TTLL11: variants seen among roughly 807,000 people sequenced by gnomAD.
The protein encoded by TTLL11 is tubulin polyglutamylase TTLL11.
TTLL11 carries 42 observed loss-of-function variants against 51.7 expected under a neutral mutation model. That is an observed-to-expected ratio of 0.81 (90% CI 0.64 to 1.05). The LOEUF (loss-of-function observed/expected upper bound fraction) is 1.05. Among genes scored for constraint, TTLL11 ranks in the 50% least tolerant of loss-of-function variants. The pLI, the probability that TTLL11 is intolerant of heterozygous loss-of-function variation, is 0.00. For missense variants in TTLL11, 799 were observed against 940.4 expected, an observed-to-expected ratio of 0.85 and a Z score of 1.97; for synonymous variants, 381 against 383.5, an observed-to-expected ratio of 0.99 and a Z score of 0.08.
At chr9:121,827,501 C>G (rs1376189213) in intron 8 of TTLL11, among the ~76,000 whole-genome samples, 2 of 152,166 alleles carry the variant, frequency 1.3e-5, no homozygotes, top group Admixed American at 1.3e-4. Context: ...CACATCTCCC[C>G]CTCCAAAAAG....
At chr9:121,887,041 C>G (rs1282829555) in intron 6 of TTLL11, among the ~76,000 whole-genome samples, 2 of 152,102 alleles carry the variant, frequency 1.3e-5, no homozygotes, top group Non-Finnish European at 2.9e-5. Flanking sequence ...CATCTCCAGA[C>G]CAGGATGATG....
At chr9:122,042,402 G>A (rs974239761) in intron 1 of TTLL11, among the ~76,000 whole-genome samples, 1 of 152,222 alleles carries the variant, frequency 6.6e-6, no homozygotes, top group Non-Finnish European at 1.5e-5. Context: ...AATGGCCAAA[G>A]TCCAAAACAC....
intron 6 of TTLL11, among the ~76,000 whole-genome samples, chr9:121,876,521 G>C (rs1173631414): frequency 6.6e-6 from 1 of 152,216 alleles, no homozygotes; most frequent in Non-Finnish European, 1.5e-5. Context: ...GTGATGATGA[G>C]TGAGCCAGCA....
At chr9:121,957,850 G>T (rs535413300) in intron 6 of TTLL11, among the ~76,000 whole-genome samples, 2 of 152,340 alleles carry the variant, frequency 1.3e-5, no homozygotes, top group South Asian at 4.1e-4. Flanking sequence ...TGTGTGAACT[G>T]TAGGGTCTAC....
Position 121,822,123 on chromosome 9 carries a change from C to T in TTLL11, c.*464G>A, listed in dbSNP as rs1836595023. The stretch of plus-strand genomic sequence containing the variant: ...GATGCCTACTTGATATTTCCACTTC[C>T]TTCTCTCGGAACGGGCGGCAGGAAA... On this transcript the variant is annotated 3_prime_UTR_variant, in exon 9 of 9. Coordinates refer to ENST00000321582, the MANE Select transcript of TTLL11 (RefSeq NM_001139442.2). This position sits in a 1 kb window ranked among gnomAD's most constrained non-coding sequence, Gnocchi z 5.8. 1 of 152,536 alleles carries T rather than the reference C, an allele frequency of 6.6e-6. No individual in the cohort carries two copies. The highest frequency in any genetic ancestry group is 2.4e-5 in the African/African-American group (1 of 41,392). 9.4% of individuals were successfully genotyped at this position (152,536 alleles called of 1,614,324 possible).
At chr9:122,009,537 T>C (rs1843741176) in intron 3 of TTLL11, among the ~76,000 whole-genome samples, 1 of 151,778 alleles carries the variant, frequency 6.6e-6, no homozygotes, top group Admixed American at 6.6e-5. Flanking sequence ...TGTAGACATA[T>C]ATGTATGTAC....
intron 3 of TTLL11, among the ~76,000 whole-genome samples, chr9:122,025,775 C>T (rs1844313356): frequency 6.6e-6 from 1 of 152,108 alleles, no homozygotes; most frequent in Admixed American, 6.5e-5. Context: ...CTATATGATC[C>T]AGCAATTCAA....
At chr9:122,062,092 A>T (rs543032398) in intron 1 of TTLL11, among the ~76,000 whole-genome samples, 1 of 152,340 alleles carries the variant, frequency 6.6e-6, no homozygotes, top group Admixed American at 6.5e-5. Context: ...GCACAGCCCC[A>T]TTGGGGCACA....
chr9:121,860,616 G>A (rs41313333), intron 7 of TTLL11, among the ~76,000 whole-genome samples, 173 bp from the exon 8 acceptor site: 14 of 152,212 alleles, frequency 9.2e-5, no homozygotes, highest in South Asian at 8.3e-4. Flanking sequence ...TGATTAGGTC[G>A]TGAGGGTGGA....
In TTLL11 at chr9:122,093,093, A is replaced by ACCGCCT. The variant is rs1246789278; in HGVS notation, c.50_55dup (p.Glu17_Ala18dup). ...TTTGGCCGCCGCTTTGGCCGCAGCC[A>ACCGCCT]CCGCCTCCGCCTCCCACCGGGCCGC... On this transcript the variant is annotated inframe_insertion, in exon 1 of 9. Transcript: ENST00000321582. 8 of 1,501,908 alleles carry ACCGCCT rather than the reference A, an allele frequency of 5.3e-6. No homozygotes were observed. The highest frequency in any genetic ancestry group is 1.5e-5 in the African/African-American group (1 of 68,856). The allele number at this position is 1,501,908 out of a possible 1,614,324, so 93.0% of individuals were successfully genotyped here. A position where few individuals can be genotyped will look rare whatever the true frequency, so the allele number is the denominator to read the frequency against.
At chr9:121,918,501 A>T (rs1840417799) in intron 6 of TTLL11, among the ~76,000 whole-genome samples, 1 of 152,210 alleles carries the variant, frequency 6.6e-6, no homozygotes. Flanking sequence ...TCTAGGGCAG[A>T]TGGCATTAAG....
At chr9:121,958,348 T>C (rs2131618730) in intron 6 of TTLL11, among the ~76,000 whole-genome samples, 1 of 152,322 alleles carries the variant, frequency 6.6e-6, no homozygotes, top group Non-Finnish European at 1.5e-5. Context: ...CAGTCATGGG[T>C]CTTTGCTCTG....
chr9:121,886,058 C>T (rs1157928140), intron 6 of TTLL11, among the ~76,000 whole-genome samples: 1 of 152,194 alleles, frequency 6.6e-6, no homozygotes, highest in Non-Finnish European at 1.5e-5. Context: ...GGGCCCATCA[C>T]TTCATGTTTA....
rs574683626 is a variant in TTLL11, at chr9:121,925,069, G to A, written c.1481+48940C>T. 3.3e-5 allele frequency among the ~76,000 whole-genome samples: 5 copies of A among 152,288 alleles called. No homozygotes were observed. In the East Asian group the frequency reaches 9.6e-4, roughly 29 times the overall value. On this transcript the variant is annotated intron_variant, in intron 6 of 8. Transcript: ENST00000321582. ...GGAGAACAGGCTCAGCTGTGGGAGAGGAAGAAGCAGACACAGGCTTCACTT... is the reference window on the plus strand; with the variant it reads ...GGAGAACAGGCTCAGCTGTGGGAGAAGAAGAAGCAGACACAGGCTTCACTT...
intron 3 of TTLL11, among the ~76,000 whole-genome samples, chr9:122,020,029 C>T (rs2131777379): frequency 6.6e-6 from 1 of 152,330 alleles, no homozygotes; most frequent in East Asian, 1.9e-4. Context: ...CATTAAACCT[C>T]TTTTTCTTCA....
intron 3 of TTLL11, among the ~76,000 whole-genome samples, chr9:122,015,824 G>A (rs57768516): frequency 0.13 from 18,740 of 139,012 alleles, 2,239 homozygotes; most frequent in African/African-American, 0.34. Flanking sequence ...AAAAAAAAAA[G>A]AAAGAAAGTA....
At chr9:122,018,313 C>T (rs766550082) in intron 3 of TTLL11, among the ~76,000 whole-genome samples, 2 of 152,098 alleles carry the variant, frequency 1.3e-5, no homozygotes, top group South Asian at 2.1e-4. Context: ...GAGGTTTCAC[C>T]GTGTTAGCTA....
intron 6 of TTLL11, among the ~76,000 whole-genome samples, chr9:121,874,859 C>A (rs989435941): frequency 2.6e-5 from 4 of 151,262 alleles, no homozygotes; most frequent in Non-Finnish European, 5.9e-5. Context: ...CGGGTTCAAG[C>A]GAATCTCTTG....
At chr9:122,082,501 CAA>C (rs35349693) in intron 1 of TTLL11, among the ~76,000 whole-genome samples, 2 of 84,654 alleles carry the variant, frequency 2.4e-5, no homozygotes, top group Admixed American at 1.4e-4. Flanking sequence ...GACTCTGTCT[CAA>C]AAAAAAAAAA....
Sources: allele counts gnomAD v4.1 joint callset (sites outside exome capture counted in the v4.1 genomes callset), GRCh38; gene constraint gnomAD v4.1.1; non-coding constraint Gnocchi (gnomAD v3.1); transcripts MANE v1.5; gene names NCBI Gene and HGNC (gene_info 2026-07-23, HGNC 2026-07-21).